Variants in CSMD1 observed in about 807,000 individuals in gnomAD.
CSMD1 encodes CUB and sushi domain-containing protein 1.
CSMD1 carries 213 observed loss-of-function variants against 417.5 expected under a neutral mutation model. The observed-to-expected ratio is 0.51, with a 90% CI of 0.46 to 0.57. The LOEUF (loss-of-function observed/expected upper bound fraction) is 0.57. CSMD1 is among the 20% of genes least tolerant of loss of function. The probability of loss-of-function intolerance (pLI) is 0.00; values close to 1 mark genes in which losing one functional copy is unlikely to be tolerated. For missense variants in CSMD1, 6,923 were observed against 4,529.7 expected, an observed-to-expected ratio of 1.53 and a Z score of -15.17; for synonymous variants, 2,862 against 1,736.8, an observed-to-expected ratio of 1.65 and a Z score of -16.11.
chr8:4,523,268 A>G (rs1287566926), intron 2 of CSMD1, among the ~76,000 whole-genome samples: 2 of 152,194 alleles, frequency 1.3e-5, no homozygotes, highest in Admixed American at 1.3e-4. Flanking sequence ...CCCTCAAATC[A>G]TTTGCCATAC....
At position 2,953,958 on chromosome 8, in the gene CSMD1, A is replaced by G. The variant is rs533917590; in HGVS notation, c.10039+266T>C. Among the ~76,000 whole-genome samples, 141 of 152,382 alleles carry G rather than the reference A, an allele frequency of 9.3e-4. 3 individuals carry two copies. The South Asian group carries it at 0.029, about 31-fold the overall frequency. ...CCAATGTTTTCATTTCTGCCTACCAAATGCCGAAGGCAAGTTTGAATGAAA... is the reference window on the plus strand; with the variant it reads ...CCAATGTTTTCATTTCTGCCTACCAGATGCCGAAGGCAAGTTTGAATGAAA... On this transcript the variant is annotated intron_variant, in intron 65 of 69. Coordinates refer to ENST00000635120, the MANE Select transcript of CSMD1 (RefSeq NM_033225.6).
intron 3 of CSMD1, among the ~76,000 whole-genome samples, chr8:4,081,458 G>T (rs2740897): frequency 1.2e-4 from 18 of 151,942 alleles, no homozygotes; most frequent in African/African-American, 3.6e-4. Flanking sequence ...CTCCAGCCAC[G>T]GTGTCATGGG....
intron 26 of CSMD1, among the ~76,000 whole-genome samples, chr8:3,256,698 C>T (rs934585984): frequency 1.3e-5 from 2 of 152,200 alleles, no homozygotes; most frequent in Non-Finnish European, 2.9e-5. Flanking sequence ...ACCCATATGC[C>T]TGTCAACACC....
intron 3 of CSMD1, among the ~76,000 whole-genome samples, chr8:4,136,939 A>G (rs1317155425): frequency 1.3e-5 from 2 of 152,252 alleles, no homozygotes; most frequent in Admixed American, 6.5e-5. Context: ...CTAGATTAAA[A>G]TATCATCAAA....
intron 1 of CSMD1, among the ~76,000 whole-genome samples, chr8:4,661,764 G>A (rs957222652): frequency 6.6e-6 from 1 of 152,094 alleles, no homozygotes; most frequent in African/African-American, 2.4e-5. Context: ...GTTTTTATAA[G>A]ACCATTAAAT....
chr8:4,421,998 TAATA>T (rs1235137724), intron 2 of CSMD1, among the ~76,000 whole-genome samples: 6 of 152,024 alleles, frequency 3.9e-5, no homozygotes, highest in Non-Finnish European at 7.4e-5. Context: ...ATCATAAAGA[TAATA>T]AAAGTTACTA....
At position 3,683,844 on chromosome 8, in the gene CSMD1, G is replaced by T. The variant is rs536165982; in HGVS notation, c.1009+24570C>A. 2.4e-4 allele frequency among the ~76,000 whole-genome samples: 37 copies of T among 152,066 alleles called. No homozygotes were observed. The East Asian group carries it at 5.0e-3, about 21-fold the overall frequency. On this transcript the variant is annotated intron_variant, in intron 7 of 69. Coordinates refer to ENST00000635120, the MANE Select transcript of CSMD1 (RefSeq NM_033225.6). Reference sequence around the variant, plus strand: ...TTGCGTAATCATTCTAAGATGTAAAGAATATTCATGAATGTTAAGCTCGCA... The same window carrying T: ...TTGCGTAATCATTCTAAGATGTAAATAATATTCATGAATGTTAAGCTCGCA...
At chr8:4,027,912 G>C (rs911145670) in intron 4 of CSMD1, among the ~76,000 whole-genome samples, 15 of 152,064 alleles carry the variant, frequency 9.9e-5, no homozygotes, top group Admixed American at 9.2e-4. Flanking sequence ...CTGAGAGTGA[G>C]AATGTAATGG....
intron 1 of CSMD1, among the ~76,000 whole-genome samples, chr8:4,702,046 G>T (rs750131775): frequency 3.3e-5 from 5 of 152,124 alleles, no homozygotes; most frequent in Non-Finnish European, 7.4e-5. Flanking sequence ...CTTATAAGTG[G>T]GAGCTGAACA....
At chr8:3,293,367 T>G (rs150317653) in intron 25 of CSMD1, among the ~76,000 whole-genome samples, 6,892 of 152,262 alleles carry the variant, frequency 0.045, 231 homozygotes, top group Admixed American at 0.093. Flanking sequence ...ATTTGAATGT[T>G]GGCCTGCCTT....
intron 26 of CSMD1, among the ~76,000 whole-genome samples, chr8:3,247,338 G>A (rs531980123): frequency 1.3e-5 from 2 of 152,100 alleles, no homozygotes; most frequent in Non-Finnish European, 2.9e-5. Context: ...TCCTGCTCCT[G>A]GCCCCCTCCC....
intron 2 of CSMD1, among the ~76,000 whole-genome samples, chr8:4,520,878 T>C (rs751999024): frequency 3.8e-4 from 58 of 152,310 alleles, no homozygotes; most frequent in Admixed American, 1.0e-3. Flanking sequence ...TTATAACTTA[T>C]TGCTGATGAC....
At chr8:4,626,854 T>C (rs577754605) in intron 2 of CSMD1, among the ~76,000 whole-genome samples, 4 of 152,312 alleles carry the variant, frequency 2.6e-5, no homozygotes, top group Admixed American at 1.3e-4. Context: ...GCAAGAACGA[T>C]ATAAGCAAGA....
At chr8:4,334,041 C>T (rs761262237) in intron 3 of CSMD1, among the ~76,000 whole-genome samples, 2 of 152,028 alleles carry the variant, frequency 1.3e-5, no homozygotes, top group African/African-American at 4.8e-5. Context: ...CAGGCACCCA[C>T]CACAACATCG....
intron 3 of CSMD1, among the ~76,000 whole-genome samples, chr8:4,189,811 G>C (rs1276931179): frequency 6.6e-6 from 1 of 152,006 alleles, no homozygotes; most frequent in Non-Finnish European, 1.5e-5. Context: ...CATATATTAA[G>C]GTAAAGTGGA....
At chr8:3,927,050 G>C (rs1296381895) in intron 5 of CSMD1, among the ~76,000 whole-genome samples, 1 of 151,652 alleles carries the variant, frequency 6.6e-6, no homozygotes, top group African/African-American at 2.4e-5. Flanking sequence ...TGTGCTTTAT[G>C]TTTTTATAAG....
At chr8:3,837,176 G>A (rs992023992) in intron 5 of CSMD1, among the ~76,000 whole-genome samples, 1 of 151,918 alleles carries the variant, frequency 6.6e-6, no homozygotes, top group Non-Finnish European at 1.5e-5. Context: ...GTTCACATCA[G>A]TTTCACAGTC....
chr8:3,621,002 T>A (rs1301651058), intron 7 of CSMD1, among the ~76,000 whole-genome samples: 2 of 152,070 alleles, frequency 1.3e-5, no homozygotes, highest in African/African-American at 4.8e-5. Context: ...TGAGCCCTAA[T>A]CCAACATGAC....
intron 3 of CSMD1, among the ~76,000 whole-genome samples, chr8:4,318,458 T>G (rs1799064908): frequency 6.6e-6 from 1 of 152,032 alleles, no homozygotes; most frequent in Admixed American, 6.6e-5. Flanking sequence ...AGTTAAAAGG[T>G]CATTAGCAAG....
Sources: gnomAD v4.1 joint callset for allele counts (sites outside exome capture counted in the v4.1 genomes callset) on GRCh38, gnomAD v4.1.1 for gene constraint, MANE v1.5 for transcripts, NCBI Gene and HGNC (gene_info 2026-07-23, HGNC 2026-07-21) for gene names.